POU2AF1: variants seen among roughly 807,000 people sequenced by gnomAD.
The protein encoded by POU2AF1 is POU class 2 homeobox associating factor 1, also known as POU domain class 2-associating factor 1.
POU2AF1 carries 12 observed loss-of-function variants against 26.3 expected under a neutral mutation model. That is an observed-to-expected ratio of 0.46 (90% CI 0.29 to 0.74). POU2AF1 has a LOEUF of 0.74. POU2AF1 is among the 30% of genes least tolerant of loss of function. POU2AF1 has a pLI of 0.09. For synonymous variants in POU2AF1, 175 were observed against 148.0 expected (o/e 1.18, Z -1.32); for missense variants, 297 against 334.5 (o/e 0.89, Z 0.87).
Position 111,377,895 on chromosome 11 carries a change from A to G in POU2AF1, c.16+1267T>C, listed in dbSNP as rs1227006303. On this transcript the variant is annotated intron_variant, in intron 1 of 4. Transcript: ENST00000393067. Reference sequence around the variant, plus strand: ...GTGCCAACAATTCTTGAATATTCCTAGTTATCTTGGAAGGAGTCCATAACT... The same window carrying G: ...GTGCCAACAATTCTTGAATATTCCTGGTTATCTTGGAAGGAGTCCATAACT... 4 of 179,146 alleles carry G rather than the reference A, an allele frequency of 2.2e-5. No homozygotes were observed. In the East Asian group the frequency reaches 3.7e-4, roughly 17 times the overall value. The allele number at this position is 179,146 out of a possible 1,614,324, so 11.1% of individuals were successfully genotyped here.
intron 1 of POU2AF1, chr11:111,363,216 A>T: frequency 9.8e-7 from 1 of 1,017,350 alleles, no homozygotes; most frequent in South Asian, 4.6e-5. Flanking sequence ...CACAGCTCCC[A>T]CGGGTCTCCT....
In POU2AF1 at chr11:111,354,244, T is replaced by G. The variant is rs896057457; in HGVS notation, c.*17A>C. ...AAATCCCAGTTTCAGGGAACAGGACTCAGGTGGGAGCCACGCCTAAAAGCC... is the reference window on the plus strand; with the variant it reads ...AAATCCCAGTTTCAGGGAACAGGACGCAGGTGGGAGCCACGCCTAAAAGCC... On this transcript the variant is annotated 3_prime_UTR_variant, in exon 5 of 5. Coordinates refer to ENST00000393067, the MANE Select transcript of POU2AF1 (RefSeq NM_006235.3). 1 of 1,612,816 alleles carries G rather than the reference T, an allele frequency of 6.2e-7. No individual in the cohort carries two copies.
chr11:111,375,028 T>C (rs1368001137), intron 1 of POU2AF1, among the ~76,000 whole-genome samples: 1 of 152,222 alleles, frequency 6.6e-6, no homozygotes, highest in Non-Finnish European at 1.5e-5. Context: ...TCTGCTCTGT[T>C]CAAGTTGTCT....
chr11:111,371,422 A>T (rs1278655825), intron 1 of POU2AF1, among the ~76,000 whole-genome samples: 3 of 152,208 alleles, frequency 2.0e-5, no homozygotes. Flanking sequence ...AATCTTGTGA[A>T]TTAAAAAAAC....
intron 1 of POU2AF1, among the ~76,000 whole-genome samples, chr11:111,372,821 A>G (rs934638051): frequency 6.6e-6 from 1 of 152,220 alleles, no homozygotes; most frequent in African/African-American, 2.4e-5. Flanking sequence ...ATGGCATCAG[A>G]TGTCAGCAGA....
chr11:111,360,431 G>A (rs45548933), intron 1 of POU2AF1, among the ~76,000 whole-genome samples: 3,424 of 152,296 alleles, frequency 0.022, 67 homozygotes, highest in Non-Finnish European at 0.034. Context: ...CTCCAGCCAC[G>A]AGCAAGGCCT....
chr11:111,374,154 C>T (rs931266991), intron 1 of POU2AF1, among the ~76,000 whole-genome samples: 6 of 79,380 alleles, frequency 7.6e-5, no homozygotes, highest in African/African-American at 2.8e-4. Context: ...CATGAAAGAA[C>T]AGAATCCCAA....
chr11:111,367,317 ACT>A (rs1861124387), intron 1 of POU2AF1, among the ~76,000 whole-genome samples: 2 of 151,622 alleles, frequency 1.3e-5, no homozygotes, highest in Non-Finnish European at 2.9e-5. Context: ...CACATTCTTA[ACT>A]CTTGGGAGCT....
chr11:111,360,088 A>T, intron 1 of POU2AF1: 1 of 518,004 alleles, frequency 1.9e-6, no homozygotes, highest in Non-Finnish European at 3.9e-6. Flanking sequence ...GAGCCAGTGC[A>T]TAGGGCCCTT....
chr11:111,365,386 ACCTTG>A (rs1182166579), intron 1 of POU2AF1, among the ~76,000 whole-genome samples: 1 of 152,146 alleles, frequency 6.6e-6, no homozygotes, highest in Non-Finnish European at 1.5e-5. Flanking sequence ...CAACAGGTAA[ACCTTG>A]TAGCCGTACA....
Position 111,354,546 on chromosome 11 carries a change from C to T in POU2AF1, c.486G>A (p.Gly162=), listed in dbSNP as rs146395205. 4.9e-5 allele frequency: 75 copies of T among 1,544,622 alleles called. 2 individuals are homozygous for T. The South Asian group carries it at 8.3e-4, about 17-fold the overall frequency. ...TTRSSATPAV[G]PPLEGPEHQA... ...GGTGCTCTGGGCCCTCCAGCGGGGG[C>T]CCCACTGCGGGCGTGGCGGAGCTTC... The change falls in exon 5 of 5, where the codon GGG becomes GGA. Residue 162 remains glycine, a synonymous_variant. Transcript: ENST00000393067.
intron 1 of POU2AF1, among the ~76,000 whole-genome samples, chr11:111,375,532 G>C (rs1276515574): frequency 6.6e-6 from 1 of 151,820 alleles, no homozygotes; most frequent in East Asian, 1.9e-4. Flanking sequence ...GAGTAGCTGG[G>C]ACTACAGGGG....
At chr11:111,356,719 T>C (rs1357159036) in intron 4 of POU2AF1, among the ~76,000 whole-genome samples, 2 of 152,234 alleles carry the variant, frequency 1.3e-5, no homozygotes, top group African/African-American at 2.4e-5. Context: ...CAGATTTTGA[T>C]ATGATGATAA....
chr11:111,360,560 C>T (rs893682216), intron 1 of POU2AF1, among the ~76,000 whole-genome samples: 5 of 152,110 alleles, frequency 3.3e-5, no homozygotes, highest in Admixed American at 2.0e-4. Context: ...GACTTTAGAC[C>T]CATCCTCCAA....
intron 1 of POU2AF1, among the ~76,000 whole-genome samples, chr11:111,366,413 A>T (rs1164153544): frequency 6.6e-6 from 1 of 152,234 alleles, no homozygotes; most frequent in Non-Finnish European, 1.5e-5. Context: ...ATTGATGTAC[A>T]ATTTGATGTT....
intron 1 of POU2AF1, among the ~76,000 whole-genome samples, chr11:111,376,477 A>G (rs1190476861): frequency 6.6e-6 from 1 of 152,082 alleles, no homozygotes; most frequent in African/African-American, 2.4e-5. Flanking sequence ...GCAAATCTCA[A>G]ATCCATTGGT....
chr11:111,362,231 A>G (rs1222682442), intron 1 of POU2AF1, among the ~76,000 whole-genome samples: 3 of 152,234 alleles, frequency 2.0e-5, no homozygotes, highest in African/African-American at 7.2e-5. Flanking sequence ...ATATTTGGAT[A>G]CGGGCATGCA....
At chr11:111,359,889 T>C in intron 1 of POU2AF1, 3 of 507,532 alleles carry the variant, frequency 5.9e-6, no homozygotes, top group Non-Finnish European at 1.2e-5. Context: ...TGTCTTCCCT[T>C]CACCTCTCCT....
intron 1 of POU2AF1, among the ~76,000 whole-genome samples, chr11:111,361,217 A>G (rs1239285109): frequency 2.0e-5 from 3 of 152,190 alleles, no homozygotes; most frequent in Non-Finnish European, 4.4e-5. Flanking sequence ...GAAGACAAGC[A>G]ACAAAAGTTA....
Sources: gnomAD v4.1 joint callset for allele counts (sites outside exome capture counted in the v4.1 genomes callset) on GRCh38, gnomAD v4.1.1 for gene constraint, MANE v1.5 for transcripts, NCBI Gene and HGNC (gene_info 2026-07-23, HGNC 2026-07-21) for gene names.